Variants in QTMAN observed in about 807,000 individuals in gnomAD.
The protein encoded by QTMAN is queuosine-tRNA mannosyltransferase, also known as tRNA-queuosine alpha-mannosyltransferase.
At chr2:144,118,758 G>A in the QTMAN span, among the ~76,000 whole-genome samples, 13 of 152,320 alleles carry the variant, frequency 8.5e-5, no homozygotes, top group Admixed American at 7.2e-4. Flanking sequence ...GCGGATGCCT[G>A]TAGTCCCAGC....
At chr2:144,168,343 G>A in the QTMAN span, among the ~76,000 whole-genome samples, 3 of 152,188 alleles carry the variant, frequency 2.0e-5, no homozygotes, top group Non-Finnish European at 4.4e-5. Context: ...TTGGCAACTA[G>A]AGAATTGGGA....
chr2:144,068,632 AAAAC>A, the QTMAN span, among the ~76,000 whole-genome samples: 41 of 152,380 alleles, frequency 2.7e-4, no homozygotes, highest in African/African-American at 8.7e-4. Context: ...TTTAAGTGTG[AAAAC>A]AAACAATCTT....
the QTMAN span, among the ~76,000 whole-genome samples, chr2:144,289,990 C>G: frequency 6.6e-6 from 1 of 152,220 alleles, no homozygotes; most frequent in South Asian, 2.1e-4. Context: ...CCTACTCTTG[C>G]ACCAATCACC....
the QTMAN span, among the ~76,000 whole-genome samples, chr2:144,267,955 T>C: frequency 6.6e-6 from 1 of 152,136 alleles, no homozygotes. Context: ...TATTTGAAGG[T>C]GGGGCCAATG....
the QTMAN span, among the ~76,000 whole-genome samples, chr2:143,972,069 G>A: frequency 1.2e-4 from 18 of 152,112 alleles, no homozygotes; most frequent in Admixed American, 1.2e-3. Context: ...GAATGCAATG[G>A]TGAAATGTTC....
At chr2:144,252,774 ATACATGCAAAAACC>A in the QTMAN span, among the ~76,000 whole-genome samples, 26 of 152,232 alleles carry the variant, frequency 1.7e-4, no homozygotes, top group African/African-American at 6.3e-4. Flanking sequence ...GAAAACTTAC[ATACATGCAAAAACC>A]TGCATGCAAA....
At chr2:143,996,011 C>A in the QTMAN span, among the ~76,000 whole-genome samples, 1 of 152,134 alleles carries the variant, frequency 6.6e-6, no homozygotes, top group African/African-American at 2.4e-5. Context: ...ATGATCACCA[C>A]TGCTACTACC....
chr2:144,218,937 A>C, the QTMAN span, among the ~76,000 whole-genome samples: 35 of 147,714 alleles, frequency 2.4e-4, no homozygotes, highest in Non-Finnish European at 4.3e-4. Flanking sequence ...AAAAAAAAAA[A>C]GCAAAATCCT....
the QTMAN span, among the ~76,000 whole-genome samples, chr2:144,289,202 G>C: frequency 6.6e-6 from 1 of 151,990 alleles, no homozygotes; most frequent in Admixed American, 6.6e-5. Context: ...CCCAGCTAGA[G>C]ACAGGGTTTA....
the QTMAN span, among the ~76,000 whole-genome samples, chr2:144,058,560 T>C: frequency 6.6e-6 from 1 of 152,326 alleles, no homozygotes; most frequent in South Asian, 2.1e-4. Flanking sequence ...GAGACTGATA[T>C]AGCCTAAGGA....
At chr2:144,000,653 C>T in the QTMAN span, among the ~76,000 whole-genome samples, 5 of 151,976 alleles carry the variant, frequency 3.3e-5, no homozygotes, top group African/African-American at 9.6e-5. Context: ...ACTGTGAAAA[C>T]GAATAGTGCT....
the QTMAN span, among the ~76,000 whole-genome samples, chr2:144,153,085 G>A: frequency 1.4e-4 from 21 of 152,248 alleles, no homozygotes; most frequent in African/African-American, 4.8e-4. Flanking sequence ...TAGTCAGAGA[G>A]GGCTAGCAGT....
the QTMAN span, among the ~76,000 whole-genome samples, chr2:144,000,447 C>A: frequency 6.6e-6 from 1 of 151,902 alleles, no homozygotes; most frequent in Non-Finnish European, 1.5e-5. Context: ...AAACTTATCA[C>A]CAAATTGAGA....
chr2:143,955,650 AC>A, the QTMAN span, among the ~76,000 whole-genome samples: 4 of 152,212 alleles, frequency 2.6e-5, no homozygotes, highest in Non-Finnish European at 4.4e-5. Flanking sequence ...ATCACACTCA[AC>A]AAAAACAAAA....
At chr2:144,077,424 A>G in the QTMAN span, among the ~76,000 whole-genome samples, 12 of 152,244 alleles carry the variant, frequency 7.9e-5, no homozygotes, top group Non-Finnish European at 1.6e-4. Context: ...TCCATCCTTT[A>G]TAACAGGCTA....
the QTMAN span, among the ~76,000 whole-genome samples, chr2:144,198,685 T>G: frequency 2.6e-5 from 4 of 152,226 alleles, no homozygotes; most frequent in African/African-American, 9.6e-5. Flanking sequence ...TGATTTTGAA[T>G]TGAGTTTGTA....
the QTMAN span, among the ~76,000 whole-genome samples, chr2:144,159,369 A>G: frequency 6.6e-6 from 1 of 152,062 alleles, no homozygotes; most frequent in Non-Finnish European, 1.5e-5. Context: ...GTTGGGAGCC[A>G]CTTTTCCTTC....
At chr2:144,133,719 G>A in the QTMAN span, among the ~76,000 whole-genome samples, 2 of 149,288 alleles carry the variant, frequency 1.3e-5, no homozygotes, top group African/African-American at 4.9e-5. Flanking sequence ...AGTGAGTAGT[G>A]TTATACATTA....
At chr2:144,213,734 C>T in the QTMAN span, among the ~76,000 whole-genome samples, 1 of 152,106 alleles carries the variant, frequency 6.6e-6, no homozygotes, top group African/African-American at 2.4e-5. Flanking sequence ...TTTTGATTTA[C>T]CTATATGCAA....
Sources: gnomAD v4.1 joint callset for allele counts (sites outside exome capture counted in the v4.1 genomes callset) on GRCh38, gnomAD v4.1.1 for gene constraint, MANE v1.5 for transcripts, NCBI Gene and HGNC (gene_info 2026-07-23, HGNC 2026-07-21) for gene names.